Variants in SLK observed in about 807,000 individuals in gnomAD.
SLK encodes STE20 like kinase.
In SLK, 67 loss-of-function variants were observed where a neutral mutation model predicts 147.7. That is an observed-to-expected ratio of 0.45 (90% CI 0.37 to 0.56). SLK has a LOEUF of 0.56. Among genes scored for constraint, SLK ranks in the 20% least tolerant of loss-of-function variants. The pLI is 0.00. For synonymous variants in SLK, 441 were observed against 475.0 expected (o/e 0.93, Z 0.93); for missense variants, 1,136 against 1,438.8 (o/e 0.79, Z 3.41).
intron 1 of SLK, among the ~76,000 whole-genome samples, chr10:103,978,415 AT>A (rs1383273452): frequency 2.0e-5 from 3 of 152,298 alleles, no homozygotes; most frequent in African/African-American, 7.2e-5. Flanking sequence ...TGAATATAAG[AT>A]GCTATTGCTG....
chr10:104,020,264 C>T (rs753154078), intron 16 of SLK, among the ~76,000 whole-genome samples: 1 of 152,174 alleles, frequency 6.6e-6, no homozygotes, highest in Non-Finnish European at 1.5e-5. Context: ...GTCACACACA[C>T]AAATTAACTC....
At chr10:104,003,853 T>A (rs940871373) in intron 9 of SLK, among the ~76,000 whole-genome samples, 34 of 152,140 alleles carry the variant, frequency 2.2e-4, no homozygotes, top group African/African-American at 6.3e-4. Flanking sequence ...GAATTAGAAA[T>A]TGAAAGAATG....
chr10:103,992,877 C>T (rs1219254479), intron 3 of SLK, 107 bp from the exon 4 acceptor site: 3 of 786,088 alleles, frequency 3.8e-6, no homozygotes, highest in East Asian at 2.7e-5. Flanking sequence ...AATAAATTCC[C>T]TGCATATGAT....
chr10:104,004,810 G>T (rs1844302218), intron 9 of SLK, among the ~76,000 whole-genome samples: 1 of 152,118 alleles, frequency 6.6e-6, no homozygotes, highest in Non-Finnish European at 1.5e-5. Context: ...TTATATGTCT[G>T]TTATTTCTGT....
intron 12 of SLK, among the ~76,000 whole-genome samples, chr10:104,009,321 A>C (rs373270840): frequency 6.6e-6 from 1 of 152,178 alleles, no homozygotes; most frequent in South Asian, 2.1e-4. Flanking sequence ...TACACATCTC[A>C]AATACCCAGA....
At chr10:103,976,685 A>G (rs535630034) in intron 1 of SLK, among the ~76,000 whole-genome samples, 2 of 152,186 alleles carry the variant, frequency 1.3e-5, no homozygotes, top group East Asian at 3.9e-4. Context: ...TGCAGCCATT[A>G]CTACAATCCA....
At chr10:104,021,179 A>G (rs964714602) in intron 17 of SLK, among the ~76,000 whole-genome samples, 1 of 152,160 alleles carries the variant, frequency 6.6e-6, no homozygotes, top group African/African-American at 2.4e-5. Flanking sequence ...GTATCTATAT[A>G]TTTGCTTAAT....
intron 13 of SLK, among the ~76,000 whole-genome samples, chr10:104,016,361 A>G (rs1358770118): frequency 6.6e-6 from 1 of 152,096 alleles, no homozygotes; most frequent in African/African-American, 2.4e-5. Flanking sequence ...TTAGAGAAAC[A>G]GTTTAATTTT....
At chr10:103,998,317 A>G (rs1844201981) in intron 4 of SLK, among the ~76,000 whole-genome samples, 1 of 152,212 alleles carries the variant, frequency 6.6e-6, no homozygotes, top group East Asian at 1.9e-4. Flanking sequence ...TTATGCAGCA[A>G]TAGCAGTTTT....
At chr10:103,968,046 A>C (rs1490050540) in intron 1 of SLK, 151 bp downstream of exon 1, 9 of 792,930 alleles carry the variant, frequency 1.1e-5, no homozygotes, top group Non-Finnish European at 5.9e-6. Context: ...TCATCCAAGG[A>C]GTAGCTAAGA....
intron 1 of SLK, among the ~76,000 whole-genome samples, chr10:103,978,976 T>C (rs2134450981): frequency 6.6e-6 from 1 of 151,230 alleles, no homozygotes; most frequent in African/African-American, 2.4e-5. Context: ...CATCTCAATT[T>C]TAAAGAAATG....
At position 103,976,939 on chromosome 10, in the gene SLK, C is replaced by CT. The variant is rs1843879733; in HGVS notation, c.150+9050dup. Among the ~76,000 whole-genome samples the CT allele has an allele frequency of 7.9e-5, 12 of 152,242 alleles. No individual in the cohort carries two copies. In the South Asian group the frequency reaches 2.5e-3, roughly 32 times the overall value. ...TACAGCCGTTTTGGACAGGATAATC[C>CT]TTTTTTGTGGAGGGCTGTCCTATGC... is the stretch of plus-strand genomic sequence containing the variant. On this transcript the variant is annotated intron_variant, in intron 1 of 18. Coordinates refer to ENST00000369755, the MANE Select transcript of SLK (RefSeq NM_014720.4).
chr10:104,008,039 G>A lies in SLK; in HGVS notation c.2605-138G>A, dbSNP rs117108398. On this transcript the variant is annotated intron_variant, in intron 11 of 18. Transcript: ENST00000369755. ...TTTCATAACATATTTTAGTGCATTT[G>A]ACTTTTTCAGTATTGTGAAGGTTAT... is the stretch of plus-strand genomic sequence containing the variant. The A allele has an allele frequency of 4.0e-3, 2,316 of 580,062 alleles. 9 individuals are homozygous for A. The highest frequency in any genetic ancestry group is 5.8e-3 in the Non-Finnish European group (1,985 of 342,422). The allele number at this position is 580,062 out of a possible 1,614,324, so 35.9% of individuals were successfully genotyped here.
chr10:103,987,613 T>C (rs1185350796), intron 1 of SLK, among the ~76,000 whole-genome samples: 1 of 152,202 alleles, frequency 6.6e-6, no homozygotes, highest in African/African-American at 2.4e-5. Flanking sequence ...TATCTGTTTT[T>C]AATGTAATAA....
chr10:104,005,427 C>T (rs1438126295), intron 9 of SLK, 134 bp from the exon 10 acceptor site: 9 of 720,772 alleles, frequency 1.2e-5, no homozygotes, highest in Non-Finnish European at 2.0e-5. Flanking sequence ...TATATTTATA[C>T]TTTCTATGTG....
intron 1 of SLK, among the ~76,000 whole-genome samples, chr10:103,972,229 T>C (rs1015516084): frequency 6.6e-6 from 1 of 152,228 alleles, no homozygotes; most frequent in African/African-American, 2.4e-5. Flanking sequence ...TTTTGGCTCT[T>C]ACACAAAACG....
intron 13 of SLK, among the ~76,000 whole-genome samples, chr10:104,014,753 T>C (rs1373679931): frequency 6.6e-6 from 1 of 152,202 alleles, no homozygotes; most frequent in Non-Finnish European, 1.5e-5. Flanking sequence ...ATTAATATGA[T>C]AAAATTGTTT....
At chr10:104,004,025 T>C (rs770991104) in intron 9 of SLK, among the ~76,000 whole-genome samples, 1 of 152,126 alleles carries the variant, frequency 6.6e-6, no homozygotes, top group Admixed American at 6.6e-5. Context: ...CAAATTTTAG[T>C]GTGCTTAGGA....
At chr10:103,993,264 T>G in intron 4 of SLK, 131 bp downstream of exon 4, 2 of 529,152 alleles carry the variant, frequency 3.8e-6, no homozygotes, top group Non-Finnish European at 6.3e-6. Context: ...TGCTGGTTTT[T>G]AAAAAACACT....
Sources: gnomAD v4.1 joint callset for allele counts (sites outside exome capture counted in the v4.1 genomes callset) on GRCh38, gnomAD v4.1.1 for gene constraint, MANE v1.5 for transcripts, NCBI Gene and HGNC (gene_info 2026-07-23, HGNC 2026-07-21) for gene names.